Variants in ATG10 observed in about 807,000 individuals in gnomAD.
ATG10 encodes the protein autophagy related 10, also known as ubiquitin-like-conjugating enzyme ATG10.
A neutral mutation model predicts 32.1 loss-of-function variants in ATG10; 30 were observed. The observed-to-expected ratio is 0.94, with a 90% CI of 0.70 to 1.27. The LOEUF (loss-of-function observed/expected upper bound fraction) is 1.27. ATG10 is among the 50% of genes most tolerant of loss of function. The pLI, the probability that ATG10 is intolerant of heterozygous loss-of-function variation, is 0.00. For missense variants in ATG10, 233 were observed against 262.3 expected (o/e 0.89, Z 0.77); for synonymous variants, 87 against 91.5 (o/e 0.95, Z 0.28).
chr5:82,058,856 A>T (rs1162113604), intron 3 of ATG10, among the ~76,000 whole-genome samples: 5 of 152,152 alleles, frequency 3.3e-5, no homozygotes, highest in Non-Finnish European at 7.3e-5. Flanking sequence ...TTTCCTTTGT[A>T]ATACTGAAAG....
At chr5:82,130,552 C>T (rs116732291) in intron 3 of ATG10, among the ~76,000 whole-genome samples, 3,218 of 152,150 alleles carry the variant, frequency 0.021, 114 homozygotes, top group African/African-American at 0.074. Context: ...CTGAGTGCAC[C>T]ATTCCTTAAG....
intron 2 of ATG10, among the ~76,000 whole-genome samples, chr5:82,031,731 G>T (rs1762748487): frequency 1.3e-5 from 2 of 152,240 alleles, no homozygotes; most frequent in South Asian, 4.1e-4. Context: ...TAAAAGAAGG[G>T]CTTTGAGTTA....
At chr5:82,025,456 A>G (rs1762566486) in intron 2 of ATG10, among the ~76,000 whole-genome samples, 1 of 152,152 alleles carries the variant, frequency 6.6e-6, no homozygotes, top group South Asian at 2.1e-4. Flanking sequence ...AGAGGTCCCA[A>G]TCCATGGTTG....
chr5:82,039,381 A>G (rs138771935), intron 2 of ATG10, among the ~76,000 whole-genome samples: 19 of 152,336 alleles, frequency 1.2e-4, no homozygotes, highest in African/African-American at 3.1e-4. Context: ...CTGATAAACT[A>G]TAAGCAAAAT....
intron 5 of ATG10, among the ~76,000 whole-genome samples, chr5:82,250,356 A>G (rs1031300734): frequency 1.3e-5 from 2 of 152,156 alleles, no homozygotes; most frequent in African/African-American, 4.8e-5. Flanking sequence ...AAAATACCAT[A>G]GACTGGGTGG....
Position 82,098,762 on chromosome 5 carries a change from T to C in ATG10, c.216+40160T>C, listed in dbSNP as rs535409877. ...TGACTAAGATTTGGAGAAACAGTCA[T>C]AGCTGCTGGAACAATGTGAGTTCAC... On this transcript the variant is annotated intron_variant, in intron 3 of 7. Transcript: ENST00000282185. 1.4e-4 allele frequency among the ~76,000 whole-genome samples: 22 copies of C among 152,326 alleles called. No homozygotes were observed. The South Asian group carries it at 3.9e-3, about 27-fold the overall frequency.
At chr5:82,140,055 G>T (rs1203507758) in intron 3 of ATG10, among the ~76,000 whole-genome samples, 4 of 140,444 alleles carry the variant, frequency 2.8e-5, no homozygotes, top group Non-Finnish European at 6.3e-5. Flanking sequence ...CGCCCCGTCC[G>T]GGAGGGAGGT....
Position 82,058,508 on chromosome 5 carries a change from G to A in ATG10, c.122G>A (p.Gly41Asp), listed in dbSNP as rs564856686. The A allele has an allele frequency of 1.2e-6, 2 of 1,612,392 alleles. No individual in the cohort carries two copies. Among genetic ancestry groups the A allele is most frequent in the African/African-American group, 2.7e-5 (2 of 74,830 alleles). ...EWRPSKDCSD[G>D]YMCKIHFQIK... is the part of the protein sequence containing the mutation. ...GATGAAACACAGGACTGTTCTGATGGCTACATGTGCAAAATACACTTTCAA... is the reference window on the plus strand; with the variant it reads ...GATGAAACACAGGACTGTTCTGATGACTACATGTGCAAAATACACTTTCAA... Residue 41 changes from glycine (G) to aspartate (D), a missense_variant, in exon 3 of 8, where the codon GGC (glycine) becomes GAC (aspartate). Coordinates refer to ENST00000282185, the MANE Select transcript of ATG10 (RefSeq NM_031482.5).
In ATG10 at chr5:82,129,560, A is replaced by T. The variant is rs560733031; in HGVS notation, c.217-34839A>T. ...CAATCTTTTTGTTGATGTTGATGCT[A>T]TCCCTTTCTATTTGTTGCTTTCCTT... On this transcript the variant is annotated intron_variant, in intron 3 of 7. Coordinates refer to ENST00000282185, the MANE Select transcript of ATG10 (RefSeq NM_031482.5). Among the ~76,000 whole-genome samples the T allele has an allele frequency of 5.3e-5, 8 of 152,122 alleles. No individual in the cohort carries two copies. The South Asian group carries it at 1.7e-3, about 32-fold the overall frequency.
At chr5:82,132,323 A>C (rs1004505923) in intron 3 of ATG10, among the ~76,000 whole-genome samples, 5 of 151,952 alleles carry the variant, frequency 3.3e-5, no homozygotes, top group Admixed American at 1.3e-4. Flanking sequence ...ATAGGTATGT[A>C]TACATGTGCC....
At chr5:81,981,568 A>T (rs1211575708) in intron 1 of ATG10, among the ~76,000 whole-genome samples, 1 of 152,262 alleles carries the variant, frequency 6.6e-6, no homozygotes, top group Non-Finnish European at 1.5e-5. Flanking sequence ...GCTAGGAGGG[A>T]CAAGTATTCA....
intron 2 of ATG10, among the ~76,000 whole-genome samples, chr5:82,046,037 T>C (rs967011370): frequency 5.3e-5 from 8 of 152,182 alleles, no homozygotes; most frequent in Non-Finnish European, 1.2e-4. Flanking sequence ...GCAGTAGCCC[T>C]GAGAATCTGG....
intron 2 of ATG10, chr5:82,010,069 C>A: frequency 6.2e-7 from 1 of 1,609,760 alleles, no homozygotes; most frequent in Admixed American, 1.7e-5. Context: ...ACGGCAATGT[C>A]GAAGAACACG....
At chr5:82,018,716 C>T (rs552330817) in intron 2 of ATG10, among the ~76,000 whole-genome samples, 2 of 152,264 alleles carry the variant, frequency 1.3e-5, no homozygotes, top group East Asian at 1.9e-4. Context: ...ATAGCTAAGT[C>T]ATCCAGGTCC....
rs145584723 is a variant in ATG10 at position 82,142,073 on chromosome 5, A to G, written c.217-22326A>G. 2.0e-4 allele frequency among the ~76,000 whole-genome samples: 31 copies of G among 152,340 alleles called. No homozygotes were observed. The East Asian group carries it at 5.4e-3, about 27-fold the overall frequency. On this transcript the variant is annotated intron_variant, in intron 3 of 7. Coordinates refer to ENST00000282185, the MANE Select transcript of ATG10 (RefSeq NM_031482.5). ...CGTTACAGTGCATATTCTGGATTAT[A>G]TAGAGCTTAGACACAGATGAAGCAG...
chr5:81,976,239 G>A (rs1760872786), intron 1 of ATG10: 1 of 151,128 alleles, frequency 6.6e-6, no homozygotes, highest in Non-Finnish European at 1.5e-5. Context: ...TCGATCTCCT[G>A]ACCTCGTGAT....
intron 3 of ATG10, among the ~76,000 whole-genome samples, chr5:82,090,730 T>C (rs1764854273): frequency 6.6e-6 from 1 of 152,188 alleles, no homozygotes; most frequent in Non-Finnish European, 1.5e-5. Flanking sequence ...CAAATCATCC[T>C]TGTAATTTTG....
chr5:82,104,182 A>G (rs1765375870), intron 3 of ATG10, among the ~76,000 whole-genome samples: 2 of 152,138 alleles, frequency 1.3e-5, no homozygotes, highest in Non-Finnish European at 2.9e-5. Flanking sequence ...GAACATCTGT[A>G]CATATTTCTC....
chr5:82,042,746 A>G (rs1763124922), intron 2 of ATG10, among the ~76,000 whole-genome samples: 1 of 152,196 alleles, frequency 6.6e-6, no homozygotes, highest in South Asian at 2.1e-4. Context: ...CAGTCATTAA[A>G]TCTTAAAGCT....
Sources: allele counts gnomAD v4.1 joint callset (sites outside exome capture counted in the v4.1 genomes callset), GRCh38; gene constraint gnomAD v4.1.1; transcripts MANE v1.5; gene names NCBI Gene and HGNC (gene_info 2026-07-23, HGNC 2026-07-21).